CEP170: variants seen among roughly 807,000 people sequenced by gnomAD.
CEP170 encodes the protein centrosomal protein 170.
A neutral mutation model predicts 151.9 loss-of-function variants in CEP170; 21 were observed. The ratio of observed to expected loss-of-function variants is 0.14; its 90% CI spans 0.10 to 0.20. The LOEUF is 0.20. Ranked by LOEUF, CEP170 falls within the 10% of genes least tolerant of loss-of-function variation. The pLI, the probability that CEP170 is intolerant of heterozygous loss-of-function variation, is 1.00. For synonymous variants in CEP170, 356 were observed against 648.8 expected (o/e 0.55, Z 6.86); for missense variants, 964 against 1,892.9 (o/e 0.51, Z 9.11).
chr1:243,163,085 C>T (rs1236979298), intron 13 of CEP170: 1 of 152,062 alleles, frequency 6.6e-6, no homozygotes, highest in East Asian at 1.9e-4. Context: ...CAAAGAGATA[C>T]AGGTGAATGG....
At chr1:243,212,167 C>T (rs919442566) in intron 3 of CEP170, among the ~76,000 whole-genome samples, 8 of 152,150 alleles carry the variant, frequency 5.3e-5, no homozygotes, top group African/African-American at 1.9e-4. Flanking sequence ...ACTGGTAACA[C>T]ACAAAGAACC....
intron 3 of CEP170, 57 bp downstream of exon 3, chr1:243,221,667 A>C: frequency 6.8e-7 from 1 of 1,468,648 alleles, no homozygotes; most frequent in Middle Eastern, 1.8e-4. Context: ...TCTGATTTTT[A>C]TTCTTACAAT....
intron 8 of CEP170, among the ~76,000 whole-genome samples, chr1:243,188,070 C>A (rs1474942612): frequency 6.6e-6 from 1 of 151,902 alleles, no homozygotes; most frequent in Non-Finnish European, 1.5e-5. Context: ...CTAGGAATAA[C>A]AGATAGCAGA....
At chr1:243,145,928 A>C (rs906802936) in intron 14 of CEP170, among the ~76,000 whole-genome samples, 1 of 152,208 alleles carries the variant, frequency 6.6e-6, no homozygotes, top group African/African-American at 2.4e-5. Flanking sequence ...TGGTTTCCAC[A>C]CTATCTAGAA....
chr1:243,218,345 C>T (rs1434037295), intron 3 of CEP170, among the ~76,000 whole-genome samples: 5 of 152,212 alleles, frequency 3.3e-5, no homozygotes, highest in African/African-American at 7.2e-5. Context: ...AGGGCAGAGG[C>T]CATGGTGGCT....
chr1:243,211,198 A>G (rs1337764435), intron 4 of CEP170: 1 of 151,284 alleles, frequency 6.6e-6, no homozygotes, highest in Non-Finnish European at 1.5e-5. Context: ...CTTCTTGCCT[A>G]CTATGAATGG....
chr1:243,239,215 C>T (rs1218645579), intron 1 of CEP170, among the ~76,000 whole-genome samples: 1 of 152,104 alleles, frequency 6.6e-6, no homozygotes, highest in Non-Finnish European at 1.5e-5. Flanking sequence ...CGAAATGTGC[C>T]TTTTTTCCTG....
chr1:243,137,906 A>C (rs1349962122), intron 16 of CEP170, among the ~76,000 whole-genome samples: 1 of 152,228 alleles, frequency 6.6e-6, no homozygotes. Flanking sequence ...AGTGGGTAAT[A>C]AAAGTTTATT....
In CEP170 at chr1:243,179,979, G is replaced by A. The variant is rs1250665855; in HGVS notation, c.1566+5800C>T. Among the ~76,000 whole-genome samples the A allele has an allele frequency of 2.6e-5, 4 of 152,322 alleles. No homozygotes were observed. In the East Asian group the frequency reaches 7.7e-4, roughly 29 times the overall value. On this transcript the variant is annotated intron_variant, in intron 10 of 19. Coordinates refer to ENST00000366542, the MANE Select transcript of CEP170 (RefSeq NM_014812.3). ...CACTTCAAAGTGAATTATGAGATGG[G>A]TATAGAGTTTCCATTTTTCAAGACA... is the stretch of plus-strand genomic sequence containing the variant.
At chr1:243,194,891 T>C (rs2060542309) in intron 7 of CEP170, among the ~76,000 whole-genome samples, 1 of 151,974 alleles carries the variant, frequency 6.6e-6, no homozygotes, top group African/African-American at 2.4e-5. Flanking sequence ...ATTAATTCCA[T>C]ATATCTCAAT....
At chr1:243,142,290 T>A in intron 15 of CEP170, 26 bp downstream of exon 15, 2 of 1,588,282 alleles carry the variant, frequency 1.3e-6, no homozygotes, top group Non-Finnish European at 1.7e-6. Flanking sequence ...AAGAACCTTA[T>A]GCATTTCTCC....
intron 1 of CEP170, among the ~76,000 whole-genome samples, chr1:243,229,933 T>C (rs1367651297): frequency 1.3e-5 from 2 of 152,212 alleles, no homozygotes; most frequent in African/African-American, 4.8e-5. Flanking sequence ...ACTACACACC[T>C]TGCAAAAACA....
intron 3 of CEP170, among the ~76,000 whole-genome samples, chr1:243,217,361 T>C (rs1337853427): frequency 2.0e-5 from 3 of 152,236 alleles, no homozygotes; most frequent in Admixed American, 6.5e-5. Flanking sequence ...CCAATTTTAT[T>C]TGAAACTTGT....
chr1:243,201,148 C>T (rs2061002233), intron 4 of CEP170, among the ~76,000 whole-genome samples: 1 of 151,878 alleles, frequency 6.6e-6, no homozygotes, highest in Non-Finnish European at 1.5e-5. Flanking sequence ...GAGATAACTA[C>T]AAAGAAAAAG....
chr1:243,198,892 T>G (rs1340698532), intron 7 of CEP170, among the ~76,000 whole-genome samples, 168 bp downstream of exon 7: 1 of 151,044 alleles, frequency 6.6e-6, no homozygotes, highest in African/African-American at 2.4e-5. Flanking sequence ...CACACATAAT[T>G]TTAAATTTTA....
At chr1:243,211,355 A>T (rs2061788456) in intron 4 of CEP170, 1 of 152,448 alleles carries the variant, frequency 6.6e-6, no homozygotes, top group Admixed American at 6.5e-5. Context: ...CACTAAATGC[A>T]TAATGTGGAT....
Position 243,165,711 on chromosome 1 carries a change from T to C in CEP170, c.2249A>G (p.Gln750Arg), listed in dbSNP as rs1364920716. 1 of 1,614,088 alleles carries C rather than the reference T, an allele frequency of 6.2e-7. No individual in the cohort carries two copies. The highest frequency in any genetic ancestry group is 1.3e-5 in the African/African-American group (1 of 75,080). ...CTGAGCCTCCTCCCTTTGTTCTTGT[T>C]GTTGAAGTTTTGCTAATGTTTGCTT... The part of the protein sequence containing the change: ...LVKQTLAKLQ[Q>R]QEQREEAQWT... The change falls in exon 13 of 20, where the codon CAA becomes CGA. Residue 750 changes from glutamine (Q) to arginine (R), a missense_variant. Physicochemically the swap from Gln to Arg is conservative, Grantham distance 43. Coordinates refer to ENST00000366542, the MANE Select transcript of CEP170 (RefSeq NM_014812.3).
chr1:243,218,311 G>T (rs372197999), intron 3 of CEP170, among the ~76,000 whole-genome samples: 6 of 152,354 alleles, frequency 3.9e-5, no homozygotes, highest in African/African-American at 1.4e-4. Flanking sequence ...ACAAATGGCA[G>T]GCTTGCAATG....
At chr1:243,246,215 A>C (rs1038892265) in intron 1 of CEP170, among the ~76,000 whole-genome samples, 37 of 147,936 alleles carry the variant, frequency 2.5e-4, no homozygotes, top group Admixed American at 2.5e-3. Context: ...TGTCCATTAC[A>C]GTGTTGTTTA....
Sources: allele counts gnomAD v4.1 joint callset (sites outside exome capture counted in the v4.1 genomes callset), GRCh38; gene constraint gnomAD v4.1.1; transcripts MANE v1.5; gene names NCBI Gene and HGNC (gene_info 2026-07-23, HGNC 2026-07-21).